Variants in THSD7B observed in about 807,000 individuals in gnomAD.
THSD7B encodes thrombospondin type 1 domain containing 7B, also known as thrombospondin type-1 domain-containing protein 7B.
A neutral mutation model predicts 213.6 loss-of-function variants in THSD7B; 138 were observed. The ratio of observed to expected loss-of-function variants is 0.65; its 90% CI spans 0.56 to 0.74. THSD7B has a LOEUF of 0.74. Among genes scored for constraint, THSD7B ranks in the 30% least tolerant of loss-of-function variants. The pLI is 0.00. For synonymous variants in THSD7B, 742 were observed against 687.0 expected (o/e 1.08, Z -1.25); for missense variants, 1,931 against 1,991.5 (o/e 0.97, Z 0.58).
At chr2:137,152,235 A>G (rs1679832982) in intron 5 of THSD7B, among the ~76,000 whole-genome samples, 1 of 152,094 alleles carries the variant, frequency 6.6e-6, no homozygotes, top group Non-Finnish European at 1.5e-5. Context: ...TTTTACTTTA[A>G]CAACACTTAC....
chr2:137,591,633 C>T lies in THSD7B; in HGVS notation c.3423+19077C>T, dbSNP rs114757761. 4.1e-3 allele frequency among the ~76,000 whole-genome samples: 628 copies of T among 151,952 alleles called. 5 individuals are homozygous for T. The highest frequency in any genetic ancestry group is 0.014 in the African/African-American group (570 of 41,506). On this transcript the variant is annotated intron_variant, in intron 17 of 27. Transcript: ENST00000409968. The stretch of plus-strand genomic sequence containing the variant: ...TGTATTATGTTTTTCAATATTCTTG[C>T]GTCCTATTTGTCATAAACCAATCGA...
chr2:137,201,374 G>T (rs1680871701), intron 7 of THSD7B, among the ~76,000 whole-genome samples: 1 of 152,104 alleles, frequency 6.6e-6, no homozygotes, highest in Non-Finnish European at 1.5e-5. Context: ...GAATGATGCT[G>T]CAGTGAACAT....
At chr2:137,540,714 T>G (rs1168010986) in intron 15 of THSD7B, among the ~76,000 whole-genome samples, 1 of 151,694 alleles carries the variant, frequency 6.6e-6, no homozygotes, top group Non-Finnish European at 1.5e-5. Flanking sequence ...GAAACAGCTG[T>G]TTAGTCTAAA....
At chr2:136,767,122 A>T (rs1472930378) in intron 1 of THSD7B, among the ~76,000 whole-genome samples, 1 of 152,192 alleles carries the variant, frequency 6.6e-6, no homozygotes, top group East Asian at 1.9e-4. Context: ...TCGAGTAACT[A>T]GGAGGAGGTA....
At chr2:137,591,517 TTC>T (rs1195746048) in intron 17 of THSD7B, among the ~76,000 whole-genome samples, 1 of 151,948 alleles carries the variant, frequency 6.6e-6, no homozygotes, top group East Asian at 1.9e-4. Context: ...ACTTATTAAT[TTC>T]TGTTTGCTTC....
At chr2:136,983,617 G>C (rs1049063121) in intron 2 of THSD7B, among the ~76,000 whole-genome samples, 1 of 151,670 alleles carries the variant, frequency 6.6e-6, no homozygotes, top group Non-Finnish European at 1.5e-5. Context: ...ATCTGCAAAT[G>C]GAATCAACAT....
chr2:137,038,822 A>T (rs957636038), intron 2 of THSD7B, among the ~76,000 whole-genome samples: 11 of 152,186 alleles, frequency 7.2e-5, no homozygotes, highest in African/African-American at 2.7e-4. Context: ...GGCACATTCC[A>T]GTTTGCTTTT....
intron 12 of THSD7B, among the ~76,000 whole-genome samples, chr2:137,284,083 T>TA (rs1353093967): frequency 6.6e-6 from 1 of 152,134 alleles, no homozygotes; most frequent in African/African-American, 2.4e-5. Context: ...CAGAGCCTGT[T>TA]ATTGGTCTAT....
chr2:137,216,483 C>T (rs1681246005), intron 7 of THSD7B, among the ~76,000 whole-genome samples: 1 of 152,018 alleles, frequency 6.6e-6, no homozygotes, highest in Non-Finnish European at 1.5e-5. Context: ...TTTAGGTACA[C>T]TGATGAATAA....
chr2:137,108,917 G>A (rs1348465406), intron 4 of THSD7B, among the ~76,000 whole-genome samples: 1 of 152,112 alleles, frequency 6.6e-6, no homozygotes, highest in Admixed American at 6.5e-5. Context: ...TTGTGATTTT[G>A]TTCCCTTTCC....
At chr2:137,513,721 A>G (rs945502088) in intron 15 of THSD7B, among the ~76,000 whole-genome samples, 1 of 152,194 alleles carries the variant, frequency 6.6e-6, no homozygotes, top group African/African-American at 2.4e-5. Flanking sequence ...AGCTAGAGCT[A>G]GCACCGTGAG....
At chr2:137,373,419 G>A (rs1219983826) in intron 12 of THSD7B, among the ~76,000 whole-genome samples, 1 of 152,146 alleles carries the variant, frequency 6.6e-6, no homozygotes, top group Non-Finnish European at 1.5e-5. Flanking sequence ...ATCTCATTGT[G>A]GTTTTGATTT....
At chr2:136,974,211 T>G (rs1463510589) in intron 2 of THSD7B, among the ~76,000 whole-genome samples, 1 of 152,224 alleles carries the variant, frequency 6.6e-6, no homozygotes, top group African/African-American at 2.4e-5. Flanking sequence ...AAATTTTTAC[T>G]TTAAGTTCCA....
chr2:136,809,282 A>G (rs1682338940), intron 1 of THSD7B, among the ~76,000 whole-genome samples: 1 of 152,164 alleles, frequency 6.6e-6, no homozygotes, highest in African/African-American at 2.4e-5. Context: ...GGGATGAGCC[A>G]GTCAGATGTC....
In THSD7B at chr2:137,242,509, A is replaced by C; in HGVS notation, c.2203A>C (p.Lys735Gln). Reference protein sequence around the residue: ...ETVRPCFLPCKKDCIVTAFSE... With the variant: ...ETVRPCFLPCQKDCIVTAFSE... ...TGTGCGCCCCTGTTTTCTCCCATGC[A>C]AAAAAGACTGTATTGTGACTGCTTT... The change falls in exon 10 of 28, where the codon AAA becomes CAA. Residue 735 changes from lysine to glutamine, a missense_variant. Coordinates refer to ENST00000409968, the MANE Select transcript of THSD7B (RefSeq NM_001316349.2). The C allele has an allele frequency of 6.2e-7, 1 of 1,613,836 alleles. No individual in the cohort carries two copies. The highest frequency in any genetic ancestry group is 8.5e-7 in the Non-Finnish European group (1 of 1,179,774).
chr2:137,249,746 C>T (rs1440314568), intron 10 of THSD7B, among the ~76,000 whole-genome samples: 1 of 152,224 alleles, frequency 6.6e-6, no homozygotes, highest in Non-Finnish European at 1.5e-5. Flanking sequence ...CCAGGCTTCT[C>T]TCTGGCTCTA....
intron 3 of THSD7B, among the ~76,000 whole-genome samples, chr2:137,074,696 T>G (rs1008779454): frequency 1.3e-5 from 2 of 152,214 alleles, no homozygotes; most frequent in Non-Finnish European, 2.9e-5. Flanking sequence ...GTCTTTACAA[T>G]TTGGCATGTT....
At chr2:137,091,247 G>A (rs760458792) in intron 3 of THSD7B, among the ~76,000 whole-genome samples, 5 of 152,142 alleles carry the variant, frequency 3.3e-5, no homozygotes, top group Non-Finnish European at 7.4e-5. Context: ...AAGTCAATGT[G>A]GGAAGGATGA....
At chr2:137,054,474 C>G (rs1350548419) in intron 2 of THSD7B, among the ~76,000 whole-genome samples, 1 of 152,210 alleles carries the variant, frequency 6.6e-6, no homozygotes, top group Non-Finnish European at 1.5e-5. Context: ...ACTAAAGTGA[C>G]AGATCCTCAT....
Sources: allele counts gnomAD v4.1 joint callset (sites outside exome capture counted in the v4.1 genomes callset), GRCh38; gene constraint gnomAD v4.1.1; transcripts MANE v1.5; gene names NCBI Gene and HGNC (gene_info 2026-07-23, HGNC 2026-07-21).